The following MOB3A variants were observed in gnomAD, a reference collection of about 807,000 sequenced individuals.
MOB3A encodes MOB kinase activator 3A, also known as MOB LAK.
A neutral mutation model predicts 17.8 loss-of-function variants in MOB3A; 17 were observed. The observed-to-expected ratio is 0.95, with a 90% CI of 0.65 to 1.43. The LOEUF is 1.43. MOB3A is among the 40% of genes most tolerant of loss of function. The probability of loss-of-function intolerance (pLI) is 0.00; values close to 1 mark genes in which losing one functional copy is unlikely to be tolerated. For synonymous variants in MOB3A, 124 were observed against 133.2 expected (o/e 0.93, Z 0.48); for missense variants, 333 against 310.8 (o/e 1.07, Z -0.54).
At chr19:2,075,756 C>T (rs781281823) in intron 4 of MOB3A, among the ~76,000 whole-genome samples, 1 of 152,086 alleles carries the variant, frequency 6.6e-6, no homozygotes, top group Non-Finnish European at 1.5e-5. Context: ...GGTTCGTCTC[C>T]CGATAAAACC....
chr19:2,089,605 G>A (rs1046258389), intron 1 of MOB3A, among the ~76,000 whole-genome samples: 10 of 151,654 alleles, frequency 6.6e-5, no homozygotes, highest in Non-Finnish European at 1.2e-4. Flanking sequence ...AAGAGACTCC[G>A]TGGCCCATGA....
chr19:2,084,348 G>C (rs1478104988), intron 2 of MOB3A: 7 of 335,654 alleles, frequency 2.1e-5, no homozygotes, highest in South Asian at 1.3e-4. Context: ...CAAAAAACTA[G>C]CCGGGTGTGG....
At position 2,088,658 on chromosome 19, in the gene MOB3A, C is replaced by T. The variant is rs1033766455; in HGVS notation, c.-273-3330G>A. Among the ~76,000 whole-genome samples the T allele has an allele frequency of 6.6e-5, 10 of 151,988 alleles. No individual in the cohort carries two copies. The East Asian group carries it at 1.7e-3, about 26-fold the overall frequency. On this transcript the variant is annotated intron_variant, in intron 1 of 4. Coordinates refer to ENST00000357066, the MANE Select transcript of MOB3A (RefSeq NM_130807.3). The stretch of plus-strand genomic sequence containing the variant: ...ATTTTTTTTGTATTTTTAGTAGAGA[C>T]AGGGTTTCACCATATTGGCCAGGCT...
In MOB3A at chr19:2,078,452, C is replaced by A; in HGVS notation, c.109G>T (p.Ala37Ser). ...AGGTCCAGCCCGGCGTTCAGCGACG[C>A]CTGCGCCTTCTTGTGCAGCTCGAAG... ...QRFELHKKAQ[A>S]SLNAGLDLRL... The change falls in exon 3 of 5, where the codon GCG becomes TCG. Residue 37 changes from alanine to serine, a missense_variant. Physicochemically the swap from Ala to Ser is moderately conservative, Grantham distance 99. Coordinates refer to ENST00000357066, the MANE Select transcript of MOB3A (RefSeq NM_130807.3). The A allele has an allele frequency of 6.2e-7, 1 of 1,613,312 alleles. No homozygotes were observed. Among genetic ancestry groups the A allele is most frequent in the Non-Finnish European group, 8.5e-7 (1 of 1,179,440 alleles).
Position 2,078,151 on chromosome 19 carries a change from G to C in MOB3A, c.410C>G (p.Pro137Arg). The part of the protein sequence containing the change: ...EAQINNEDLF[P>R]TNVGTPFPKN... The stretch of plus-strand genomic sequence containing the variant: ...CAGCTCTGACTCACCAACGTTGGTG[G>C]GGAAGAGGTCCTCGTTGTTGATCTG... The change falls in exon 3 of 5, where the codon CCC becomes CGC. Residue 137 changes from proline (P) to arginine (R), a missense_variant. Transcript: ENST00000357066. 6.4e-7 allele frequency: 1 copy of C among 1,573,820 alleles called. No individual in the cohort carries two copies. Among genetic ancestry groups the C allele is most frequent in the Non-Finnish European group, 8.7e-7 (1 of 1,154,506 alleles).
chr19:2,088,906 T>A (rs2017583035), intron 1 of MOB3A, among the ~76,000 whole-genome samples: 1 of 152,122 alleles, frequency 6.6e-6, no homozygotes, highest in South Asian at 2.1e-4. Flanking sequence ...CCTGGCTCTG[T>A]CTCCCTCTTT....
At chr19:2,087,279 T>A (rs549465117) in intron 1 of MOB3A, among the ~76,000 whole-genome samples, 1 of 152,272 alleles carries the variant, frequency 6.6e-6, no homozygotes, top group South Asian at 2.1e-4. Flanking sequence ...AGTTCAGGAG[T>A]ACAGTTACGT....
At chr19:2,080,730 A>T (rs536577680) in intron 2 of MOB3A, among the ~76,000 whole-genome samples, 1 of 152,220 alleles carries the variant, frequency 6.6e-6, no homozygotes, top group Non-Finnish European at 1.5e-5. Flanking sequence ...CTCACGATAC[A>T]TGACTGGGCG....
chr19:2,091,014 A>G (rs1467910177), intron 1 of MOB3A, among the ~76,000 whole-genome samples: 1 of 152,204 alleles, frequency 6.6e-6, no homozygotes, highest in Non-Finnish European at 1.5e-5. Context: ...CTGAATATAA[A>G]GCTCTGCATT....
In MOB3A at chr19:2,096,225, C is replaced by G. The variant is rs1428676867; in HGVS notation, c.-274+1G>C. Reference sequence around the variant, plus strand: ...CGCCTTCGCCCCTCCCGGACACCCACCTGATCGCCTCTGCCGCCCGCCTTC... The same window carrying G: ...CGCCTTCGCCCCTCCCGGACACCCAGCTGATCGCCTCTGCCGCCCGCCTTC... On this transcript the variant is annotated splice_donor_variant, in intron 1 of 4. Coordinates refer to ENST00000357066, the MANE Select transcript of MOB3A (RefSeq NM_130807.3). LOFTEE classifies it low-confidence loss of function (5UTR_SPLICE). 1 of 155,248 alleles carries G rather than the reference C, an allele frequency of 6.4e-6. No individual in the cohort carries two copies. The highest frequency in any genetic ancestry group is 6.6e-5 in the Admixed American group (1 of 15,266). 9.6% of individuals were successfully genotyped at this position (155,248 alleles called of 1,614,324 possible).
At chr19:2,080,024 C>T (rs547719043) in intron 2 of MOB3A, among the ~76,000 whole-genome samples, 93 of 152,272 alleles carry the variant, frequency 6.1e-4, no homozygotes, top group Admixed American at 1.2e-3. Context: ...GATCACACAC[C>T]GCGCGTGTGC....
chr19:2,081,310 G>A (rs989505157), intron 2 of MOB3A, among the ~76,000 whole-genome samples: 13 of 152,150 alleles, frequency 8.5e-5, no homozygotes, highest in Admixed American at 6.5e-4. Flanking sequence ...GTTAGAGGCC[G>A]GGCGTGGTGG....
chr19:2,089,472 C>T (rs2017588902), intron 1 of MOB3A, among the ~76,000 whole-genome samples: 1 of 152,150 alleles, frequency 6.6e-6, no homozygotes, highest in South Asian at 2.1e-4. Flanking sequence ...TCCACCCACT[C>T]CATGCCAGGA....
rs1316038193 is a variant in MOB3A at position 2,078,457 on chromosome 19, G to A, written c.104C>T (p.Ala35Val). Residue 35 changes from alanine to valine, a missense_variant, in exon 3 of 5, where the codon GCG (alanine) becomes GTG (valine). Coordinates refer to ENST00000357066, the MANE Select transcript of MOB3A (RefSeq NM_130807.3). ...GTQRFELHKK[A>V]QASLNAGLDL... is the part of the protein sequence containing the mutation. ...CAGCCCGGCGTTCAGCGACGCCTGC[G>A]CCTTCTTGTGCAGCTCGAAGCGCTG... 5.0e-6 allele frequency: 8 copies of A among 1,612,716 alleles called. No homozygotes were observed. The highest frequency in any genetic ancestry group is 1.1e-5 in the South Asian group (1 of 91,010).
chr19:2,086,353 T>G (rs1156395652), intron 1 of MOB3A, among the ~76,000 whole-genome samples: 3 of 149,076 alleles, frequency 2.0e-5, no homozygotes, highest in Non-Finnish European at 4.5e-5. Flanking sequence ...GAGTGTTTAT[T>G]TTTACTTTTT....
chr19:2,088,198 C>T (rs1453841789), intron 1 of MOB3A, among the ~76,000 whole-genome samples: 1 of 152,210 alleles, frequency 6.6e-6, no homozygotes, highest in Non-Finnish European at 1.5e-5. Flanking sequence ...CTGCAGTGCC[C>T]AGGATACCCC....
chr19:2,094,498 C>G (rs935817398), intron 1 of MOB3A, among the ~76,000 whole-genome samples: 2 of 152,182 alleles, frequency 1.3e-5, no homozygotes, highest in African/African-American at 4.8e-5. Flanking sequence ...GGGTCAAAAC[C>G]TAGATCATCC....
At chr19:2,096,085 G>GC (rs202096616) in intron 1 of MOB3A, 141 bp downstream of exon 1, 1,674 of 150,960 alleles carry the variant, frequency 0.011, 24 homozygotes, top group African/African-American at 0.039. Context: ...GCCTAAGTTC[G>GC]CCCGTCTGAG....
At chr19:2,089,020 C>A (rs1318015423) in intron 1 of MOB3A, among the ~76,000 whole-genome samples, 1 of 152,222 alleles carries the variant, frequency 6.6e-6, no homozygotes, top group Admixed American at 6.5e-5. Flanking sequence ...GTTTCTCCTG[C>A]TTTCTGGGGA....
Sources: allele counts gnomAD v4.1 joint callset (sites outside exome capture counted in the v4.1 genomes callset), GRCh38; gene constraint gnomAD v4.1.1; transcripts MANE v1.5; gene names NCBI Gene and HGNC (gene_info 2026-07-23, HGNC 2026-07-21).